The following SUCLG2 variants were observed in gnomAD, a reference collection of about 807,000 sequenced individuals.
SUCLG2 encodes succinate-CoA ligase GDP-forming subunit beta.
Under a neutral mutation model 47.9 loss-of-function variants are expected in SUCLG2, and 42 were observed. That is an observed-to-expected ratio of 0.88 (90% CI 0.69 to 1.14). SUCLG2 has a LOEUF of 1.14. Among genes scored for constraint, SUCLG2 ranks in the 50% most tolerant of loss-of-function variants. The pLI is 0.00. For synonymous variants in SUCLG2, 195 were observed against 197.3 expected (o/e 0.99, Z 0.10); for missense variants, 571 against 525.9 (o/e 1.09, Z -0.84).
Position 67,498,168 on chromosome 3 carries a change from T to C in SUCLG2, c.885A>G (p.Lys295=), listed in dbSNP as rs757281785. 4 of 1,613,312 alleles carry C rather than the reference T, an allele frequency of 2.5e-6. No homozygotes were observed. The Admixed American group carries it at 5.0e-5, about 20-fold the overall frequency. ...CAATGTTCCCATCTAGTCCTATGTA[T>C]TTTAGATCATATTTGGCAGCTTCAT... ...IENEAAKYDL[K]YIGLDGNIAC... Residue 295 remains lysine, a synonymous_variant, in exon 8 of 11, where the codon AAA becomes AAG. Coordinates refer to ENST00000307227, the MANE Select transcript of SUCLG2 (RefSeq NM_003848.4).
intron 9 of SUCLG2, among the ~76,000 whole-genome samples, chr3:67,461,884 G>A (rs1704346469): frequency 6.6e-6 from 1 of 151,990 alleles, no homozygotes; most frequent in Non-Finnish European, 1.5e-5. Flanking sequence ...GGAGGGAGAG[G>A]AAGAACATTC....
chr3:67,495,669 A>C, intron 9 of SUCLG2, 129 bp downstream of exon 9: 1 of 872,730 alleles, frequency 1.1e-6, no homozygotes, highest in South Asian at 1.9e-5. Flanking sequence ...AAAAAAAAAG[A>C]TAGAAGTTGC....
At chr3:67,516,300 C>T (rs1345214747) in intron 6 of SUCLG2, among the ~76,000 whole-genome samples, 2 of 152,164 alleles carry the variant, frequency 1.3e-5, no homozygotes, top group Non-Finnish European at 2.9e-5. Context: ...CGTCTTCCTT[C>T]CATAGGTAAC....
intron 10 of SUCLG2, among the ~76,000 whole-genome samples, chr3:67,368,485 T>C (rs1425323784): frequency 6.6e-6 from 1 of 152,180 alleles, no homozygotes; most frequent in Non-Finnish European, 1.5e-5. Context: ...GTCCTTGTCC[T>C]ATGTATTATT....
At chr3:67,478,174 T>G (rs1442546347) in intron 9 of SUCLG2, among the ~76,000 whole-genome samples, 2 of 152,176 alleles carry the variant, frequency 1.3e-5, no homozygotes, top group African/African-American at 4.8e-5. Context: ...AGAGGCCACT[T>G]AACCGCCCCT....
intron 4 of SUCLG2, among the ~76,000 whole-genome samples, chr3:67,524,735 A>C (rs945725428): frequency 6.6e-6 from 1 of 152,168 alleles, no homozygotes; most frequent in African/African-American, 2.4e-5. Flanking sequence ...ATATATATAC[A>C]TAAAACTTAA....
intron 2 of SUCLG2, among the ~76,000 whole-genome samples, chr3:67,557,903 T>C (rs919002394): frequency 6.6e-6 from 1 of 152,190 alleles, no homozygotes; most frequent in African/African-American, 2.4e-5. Flanking sequence ...AGAACACTAG[T>C]TTGCAAAATA....
chr3:67,420,341 C>T (rs1211723039), intron 9 of SUCLG2, among the ~76,000 whole-genome samples: 1 of 152,088 alleles, frequency 6.6e-6, no homozygotes, highest in Non-Finnish European at 1.5e-5. Flanking sequence ...TGCAGTATAC[C>T]ACACTGGTGG....
intron 9 of SUCLG2, among the ~76,000 whole-genome samples, chr3:67,403,800 G>A (rs4856781): frequency 3.9e-5 from 6 of 152,056 alleles, no homozygotes; most frequent in African/African-American, 1.4e-4. Context: ...GGTGAAGTAA[G>A]TTAAGATGAT....
intron 8 of SUCLG2, among the ~76,000 whole-genome samples, chr3:67,497,317 C>A (rs1035845559): frequency 6.6e-6 from 1 of 152,076 alleles, no homozygotes; most frequent in Admixed American, 6.6e-5. Context: ...AAGATTAAGA[C>A]CTCAGTTTCC....
intron 9 of SUCLG2, among the ~76,000 whole-genome samples, chr3:67,459,398 T>A (rs535584183): frequency 6.6e-6 from 1 of 152,300 alleles, no homozygotes; most frequent in Non-Finnish European, 1.5e-5. Context: ...CCCAGGCCAA[T>A]TACCCCATTC....
At position 67,546,102 on chromosome 3, in the gene SUCLG2, T is replaced by C. The variant is rs561097660; in HGVS notation, c.227-16916A>G. ...TTTCTGCATCTTATTTTTCAATGCC[T>C]GGCTTGAGCTAGAATTCATACTGGG... On this transcript the variant is annotated intron_variant, in intron 2 of 10. Coordinates refer to ENST00000307227, the MANE Select transcript of SUCLG2 (RefSeq NM_003848.4). 2.0e-5 allele frequency among the ~76,000 whole-genome samples: 3 copies of C among 152,346 alleles called. No individual in the cohort carries two copies. The South Asian group carries it at 6.2e-4, about 32-fold the overall frequency.
intron 7 of SUCLG2, among the ~76,000 whole-genome samples, chr3:67,503,613 C>T (rs751996920): frequency 3.9e-5 from 6 of 152,260 alleles, no homozygotes; most frequent in South Asian, 2.1e-4. Context: ...AGATTGTCAA[C>T]GTCACATTAA....
At chr3:67,442,616 T>C (rs924559154) in intron 9 of SUCLG2, among the ~76,000 whole-genome samples, 3 of 152,106 alleles carry the variant, frequency 2.0e-5, no homozygotes, top group Non-Finnish European at 4.4e-5. Flanking sequence ...ACCAAAGACT[T>C]TGGGTGGCCT....
chr3:67,395,959 T>G (rs1305873448), intron 10 of SUCLG2, among the ~76,000 whole-genome samples: 3 of 151,984 alleles, frequency 2.0e-5, no homozygotes, highest in African/African-American at 7.3e-5. Flanking sequence ...AATAAAGATG[T>G]TTTTTGAAAC....
chr3:67,527,741 A>G lies in SUCLG2; in HGVS notation c.417+391T>C, dbSNP rs183854716. Among the ~76,000 whole-genome samples, 144 of 152,268 alleles carry G rather than the reference A, an allele frequency of 9.5e-4. 4 individuals carry two copies. The highest frequency in any genetic ancestry group is 8.8e-3 in the Admixed American group (135 of 15,286). On this transcript the variant is annotated intron_variant, in intron 4 of 10. Transcript: ENST00000307227. Reference sequence around the variant, plus strand: ...TGGGGCATTTAGAAAAACAACCACAATAGGTAATTCTGACAGACACGCCTG... The same window carrying G: ...TGGGGCATTTAGAAAAACAACCACAGTAGGTAATTCTGACAGACACGCCTG...
chr3:67,482,182 A>AG (rs1704935457), intron 9 of SUCLG2, among the ~76,000 whole-genome samples: 1 of 151,654 alleles, frequency 6.6e-6, no homozygotes, highest in African/African-American at 2.4e-5. Flanking sequence ...TATCTCAATA[A>AG]GAAGGAAGGA....
chr3:67,551,619 G>C (rs1575772423), intron 2 of SUCLG2, among the ~76,000 whole-genome samples: 1 of 152,154 alleles, frequency 6.6e-6, no homozygotes, highest in Non-Finnish European at 1.5e-5. Context: ...AATGAGCTGG[G>C]AAGCAACCAG....
chr3:67,400,981 A>G, intron 9 of SUCLG2, 130 bp from the exon 10 acceptor site: 1 of 1,300,258 alleles, frequency 7.7e-7, no homozygotes, highest in Non-Finnish European at 1.0e-6. Flanking sequence ...TACAGAGCAT[A>G]AAATACAAAA....
Sources: allele counts gnomAD v4.1 joint callset (sites outside exome capture counted in the v4.1 genomes callset), GRCh38; gene constraint gnomAD v4.1.1; transcripts MANE v1.5; gene names NCBI Gene and HGNC (gene_info 2026-07-23, HGNC 2026-07-21).